PTH2R: variants seen among roughly 807,000 people sequenced by gnomAD.
PTH2R encodes parathyroid hormone 2 receptor, also known as PTH2 receptor.
PTH2R carries 59 observed loss-of-function variants against 60.3 expected under a neutral mutation model. The observed-to-expected ratio is 0.98, with a 90% CI of 0.79 to 1.22. The LOEUF (loss-of-function observed/expected upper bound fraction) is 1.22, where lower values mean the gene tolerates loss of function less well. Ranked by LOEUF, PTH2R falls within the 50% of genes most tolerant of loss-of-function variation. The probability of loss-of-function intolerance (pLI) is 0.00; values close to 1 mark genes in which losing one functional copy is unlikely to be tolerated. For missense variants in PTH2R, 749 were observed against 682.6 expected (o/e 1.10, Z -1.08); for synonymous variants, 256 against 243.8 (o/e 1.05, Z -0.47).
chr2:208,465,956 G>C (rs1391639248), intron 9 of PTH2R, among the ~76,000 whole-genome samples: 1 of 151,888 alleles, frequency 6.6e-6, no homozygotes, highest in Non-Finnish European at 1.5e-5. Context: ...CTGCTATAAA[G>C]GTGAACTGCT....
chr2:208,397,383 G>A (rs543719160), intron 1 of PTH2R, among the ~76,000 whole-genome samples: 21 of 152,108 alleles, frequency 1.4e-4, no homozygotes, highest in Non-Finnish European at 2.8e-4. Context: ...CCACTCTGAT[G>A]AATGCTGTAC....
chr2:208,473,997 A>G (rs1702941189), intron 9 of PTH2R, among the ~76,000 whole-genome samples: 1 of 152,168 alleles, frequency 6.6e-6, no homozygotes, highest in Admixed American at 6.6e-5. Flanking sequence ...TCAAACTCAT[A>G]TCCAAGGTCA....
At chr2:208,474,792 G>T (rs79693804) in intron 9 of PTH2R, among the ~76,000 whole-genome samples, 1,898 of 152,334 alleles carry the variant, frequency 0.012, 44 homozygotes, top group African/African-American at 0.043. Context: ...GATGGATGGA[G>T]AAGATGAACT....
intron 7 of PTH2R, 115 bp from the exon 8 acceptor site, chr2:208,450,634 T>C (rs1702384592): frequency 1.0e-6 from 1 of 997,064 alleles, no homozygotes; most frequent in Non-Finnish European, 1.5e-6. Flanking sequence ...GAAATTTTCA[T>C]GTCTATTTTT....
At chr2:208,374,339 G>A (rs1700755229) in intron 1 of PTH2R, among the ~76,000 whole-genome samples, 1 of 151,968 alleles carries the variant, frequency 6.6e-6, no homozygotes, top group African/African-American at 2.4e-5. Context: ...ACTTTGAGAA[G>A]TTGTACACCA....
chr2:208,441,452 G>T (rs576902264), intron 4 of PTH2R, among the ~76,000 whole-genome samples: 98 of 152,272 alleles, frequency 6.4e-4, no homozygotes, highest in African/African-American at 2.2e-3. Context: ...GGCTTCATTG[G>T]ATTAGCCTGA....
At chr2:208,460,212 C>T (rs190392485) in intron 9 of PTH2R, among the ~76,000 whole-genome samples, 26 of 152,146 alleles carry the variant, frequency 1.7e-4, no homozygotes, top group Middle Eastern at 3.4e-3. Context: ...TATCTATGAG[C>T]ATTTATATGT....
At chr2:208,378,983 A>G (rs549281253) in intron 1 of PTH2R, among the ~76,000 whole-genome samples, 1 of 152,284 alleles carries the variant, frequency 6.6e-6, no homozygotes, top group Non-Finnish European at 1.5e-5. Flanking sequence ...ATGGTACTTC[A>G]GTACACAGTG....
intron 9 of PTH2R, among the ~76,000 whole-genome samples, chr2:208,464,610 T>TAG (rs1702703735): frequency 6.6e-6 from 1 of 152,200 alleles, no homozygotes; most frequent in African/African-American, 2.4e-5. Context: ...CAGGCTGTCT[T>TAG]TGTTAGCATC....
At chr2:208,464,577 T>C (rs1559228038) in intron 9 of PTH2R, among the ~76,000 whole-genome samples, 3 of 152,344 alleles carry the variant, frequency 2.0e-5, no homozygotes, top group East Asian at 3.9e-4. Flanking sequence ...TGTGTCGCAG[T>C]AGTTACAGCA....
At chr2:208,455,118 G>A (rs1302943981) in intron 8 of PTH2R, among the ~76,000 whole-genome samples, 2 of 152,148 alleles carry the variant, frequency 1.3e-5, no homozygotes, top group Admixed American at 6.5e-5. Context: ...ATTGAGGGTT[G>A]ATGTTATCTA....
At chr2:208,492,734 T>C (rs949413707) in intron 12 of PTH2R, among the ~76,000 whole-genome samples, 2 of 152,152 alleles carry the variant, frequency 1.3e-5, no homozygotes, top group Admixed American at 1.3e-4. Flanking sequence ...AGGTGTGTGC[T>C]GGCTAGAGCA....
At chr2:208,385,727 G>A (rs1177313420) in intron 1 of PTH2R, among the ~76,000 whole-genome samples, 1 of 152,174 alleles carries the variant, frequency 6.6e-6, no homozygotes, top group Non-Finnish European at 1.5e-5. Context: ...ATTCAATCTG[G>A]CTTTCAGCCT....
At chr2:208,420,901 G>A (rs1212643673) in intron 1 of PTH2R, among the ~76,000 whole-genome samples, 1 of 152,172 alleles carries the variant, frequency 6.6e-6, no homozygotes, top group Admixed American at 6.5e-5. Flanking sequence ...AATAGTTCCA[G>A]CACAGGAATC....
upstream of PTH2R, among the ~76,000 whole-genome samples, chr2:208,404,906 C>A (rs1001460817): frequency 3.9e-5 from 6 of 152,322 alleles, no homozygotes; most frequent in African/African-American, 1.4e-4. Context: ...AGACTGCCAA[C>A]CATTTGATGG....
At chr2:208,412,994 C>T (rs1319651854) in intron 1 of PTH2R, among the ~76,000 whole-genome samples, 1 of 151,964 alleles carries the variant, frequency 6.6e-6, no homozygotes, top group Non-Finnish European at 1.5e-5. Context: ...TGTACTCATT[C>T]TCTTTCTCTC....
chr2:208,490,615 G>T (rs757758629), intron 11 of PTH2R, 24 bp from the exon 12 acceptor site: 1 of 1,601,996 alleles, frequency 6.2e-7, no homozygotes, highest in South Asian at 1.1e-5. Flanking sequence ...TTGGCAGTGG[G>T]CTGACTTTCT....
At chr2:208,476,790 G>A (rs1370375) in intron 9 of PTH2R, among the ~76,000 whole-genome samples, 6,993 of 152,006 alleles carry the variant, frequency 0.046, 319 homozygotes, top group African/African-American at 0.11. Context: ...TTATTGCTGC[G>A]GGAGGCTGGG....
intron 9 of PTH2R, among the ~76,000 whole-genome samples, chr2:208,469,040 A>G (rs1010142757): frequency 1.3e-5 from 2 of 152,216 alleles, no homozygotes; most frequent in Admixed American, 1.3e-4. Context: ...CAATTTCTAG[A>G]GGAGAAAACT....
Sources: gnomAD v4.1 joint callset for allele counts (sites outside exome capture counted in the v4.1 genomes callset) on GRCh38, gnomAD v4.1.1 for gene constraint, MANE v1.5 for transcripts, NCBI Gene and HGNC (gene_info 2026-07-23, HGNC 2026-07-21) for gene names.